The following CDK5RAP2 variants were observed in gnomAD, a reference collection of about 807,000 sequenced individuals.
CDK5RAP2 encodes the protein CDK5 regulatory subunit associated protein 2, also known as CDK5 regulatory subunit-associated protein 2.
In CDK5RAP2, 147 loss-of-function variants were observed where a neutral mutation model predicts 232.9. The observed-to-expected ratio is 0.63, with a 90% confidence interval of 0.55 to 0.72. CDK5RAP2 has a LOEUF of 0.72. CDK5RAP2 is among the 30% of genes least tolerant of loss of function. The pLI, the probability that CDK5RAP2 is intolerant of heterozygous loss-of-function variation, is 0.00. For synonymous variants in CDK5RAP2, 833 were observed against 833.7 expected, an observed-to-expected ratio of 1.00 and a Z score of 0.01; for missense variants, 2,195 against 2,231.5, an observed-to-expected ratio of 0.98 and a Z score of 0.33.
chr9:120,536,561 TC>T (rs1437923998), intron 6 of CDK5RAP2, 35 bp from the exon 7 acceptor site: 1 of 1,602,042 alleles, frequency 6.2e-7, no homozygotes. Context: ...ATGCAATTTT[TC>T]AATACAATTG....
chr9:120,515,406 T>C (rs1342616073), intron 12 of CDK5RAP2, among the ~76,000 whole-genome samples: 3 of 152,256 alleles, frequency 2.0e-5, no homozygotes, highest in Non-Finnish European at 4.4e-5. Context: ...ATTAATTAAC[T>C]GTGGATTTTA....
At chr9:120,530,558 C>T (rs1458938137) in intron 7 of CDK5RAP2, among the ~76,000 whole-genome samples, 1 of 152,146 alleles carries the variant, frequency 6.6e-6, no homozygotes, top group Non-Finnish European at 1.5e-5. Flanking sequence ...CTTGCCAAGA[C>T]TTCTCAGGGC....
chr9:120,505,662 T>C (rs1279124015), intron 12 of CDK5RAP2, among the ~76,000 whole-genome samples: 1 of 152,192 alleles, frequency 6.6e-6, no homozygotes, highest in Non-Finnish European at 1.5e-5. Context: ...GCTACTCCAG[T>C]GAACACATGA....
At chr9:120,462,552 T>G (rs1211622723) in intron 18 of CDK5RAP2, among the ~76,000 whole-genome samples, 3 of 152,056 alleles carry the variant, frequency 2.0e-5, no homozygotes, top group Non-Finnish European at 4.4e-5. Flanking sequence ...AATACACTCA[T>G]GCAATGGAAT....
chr9:120,567,789 G>A (rs895891343), intron 3 of CDK5RAP2, among the ~76,000 whole-genome samples: 3 of 152,104 alleles, frequency 2.0e-5, no homozygotes, highest in African/African-American at 7.2e-5. Flanking sequence ...AAAGAATAAT[G>A]GCTTTGGAAT....
At chr9:120,446,734 C>T (rs567630672) in intron 22 of CDK5RAP2, among the ~76,000 whole-genome samples, 66 of 152,296 alleles carry the variant, frequency 4.3e-4, no homozygotes, top group African/African-American at 1.4e-3. Flanking sequence ...TACTATTCAT[C>T]CATCTTCCCC....
chr9:120,528,913 C>T (rs761343134), intron 8 of CDK5RAP2, 116 bp from the exon 9 acceptor site: 44 of 752,522 alleles, frequency 5.8e-5, no homozygotes, highest in Non-Finnish European at 1.0e-4. Context: ...TACTGTGGAA[C>T]TCGTTAAAAC....
Position 120,448,101 on chromosome 9 carries a change from A to C in CDK5RAP2, c.2819T>G (p.Ile940Ser). The change falls in exon 22 of 38, where the codon ATC (isoleucine) becomes AGC (serine). Residue 940 changes from isoleucine to serine, a missense_variant. Ile to Ser is a moderately radical substitution (Grantham distance 142). Transcript: ENST00000349780. ...NREAKKSRLP[I>S]LIKPSRSLGN... ...TAATGACCGGGATGGTTTTATTAGG[A>C]TTGGCAAGCGGGACTTCTTAGCCTC... 6 of 1,614,114 alleles carry C rather than the reference A, an allele frequency of 3.7e-6. No individual in the cohort carries two copies. The highest frequency in any genetic ancestry group is 5.1e-6 in the Non-Finnish European group (6 of 1,179,976).
intron 5 of CDK5RAP2, among the ~76,000 whole-genome samples, chr9:120,541,915 G>T (rs2041649225): frequency 6.6e-6 from 1 of 152,216 alleles, no homozygotes; most frequent in African/African-American, 2.4e-5. Flanking sequence ...AAGGCTGAGA[G>T]AAACTGGTTT....
intron 25 of CDK5RAP2, among the ~76,000 whole-genome samples, chr9:120,427,268 CA>C (rs775832954): frequency 1.3e-5 from 2 of 152,054 alleles, no homozygotes; most frequent in South Asian, 2.1e-4. Flanking sequence ...GCTTAAAAAA[CA>C]AAAAAATCCA....
intron 11 of CDK5RAP2, among the ~76,000 whole-genome samples, chr9:120,522,681 A>G (rs1476932441): frequency 6.6e-6 from 1 of 152,182 alleles, no homozygotes; most frequent in Non-Finnish European, 1.5e-5. Flanking sequence ...CCACACTATC[A>G]CCTTCACAGT....
At chr9:120,477,236 G>T in intron 15 of CDK5RAP2, 114 bp downstream of exon 15, 1 of 838,416 alleles carries the variant, frequency 1.2e-6, no homozygotes, top group Non-Finnish European at 2.1e-6. Context: ...AAGCAAACTG[G>T]CAGGGCTTTG....
intron 2 of CDK5RAP2, among the ~76,000 whole-genome samples, chr9:120,568,924 T>C (rs1419769364): frequency 6.6e-6 from 1 of 152,178 alleles, no homozygotes; most frequent in Non-Finnish European, 1.5e-5. Context: ...TAAAAGTTTA[T>C]TTTCAAAAGC....
At chr9:120,408,851 T>C (rs2033659982) in intron 30 of CDK5RAP2, among the ~76,000 whole-genome samples, 1 of 152,248 alleles carries the variant, frequency 6.6e-6, no homozygotes, top group South Asian at 2.1e-4. Context: ...AGCACTCACC[T>C]CCTCACTGCA....
Position 120,534,979 on chromosome 9 carries a change from G to T in CDK5RAP2, c.662+1393C>A, listed in dbSNP as rs567214275. Among the ~76,000 whole-genome samples the T allele has an allele frequency of 1.1e-3, 162 of 152,298 alleles. 1 individual carries two copies. Among genetic ancestry groups the T allele is most frequent in the Non-Finnish European group, 1.8e-3 (123 of 68,016 alleles). On this transcript the variant is annotated intron_variant, in intron 7 of 37. Transcript: ENST00000349780. ...GATGCCTGGAAAGGCCAGTACTCTGGGGGGAGGCTCAGTAGGAGGGCACTT... is the reference window on the plus strand; with the variant it reads ...GATGCCTGGAAAGGCCAGTACTCTGTGGGGAGGCTCAGTAGGAGGGCACTT...
intron 22 of CDK5RAP2, among the ~76,000 whole-genome samples, chr9:120,445,472 A>G (rs1001398020): frequency 2.0e-5 from 3 of 151,818 alleles, no homozygotes; most frequent in Admixed American, 2.0e-4. Flanking sequence ...GCTGTCTCCA[A>G]TCTCTCTCCT....
intron 15 of CDK5RAP2, among the ~76,000 whole-genome samples, chr9:120,476,539 C>T (rs1313110210): frequency 6.6e-6 from 1 of 151,978 alleles, no homozygotes; most frequent in African/African-American, 2.4e-5. Flanking sequence ...ATTAGCCGGG[C>T]GTGGTGGTAT....
chr9:120,450,464 A>C (rs7022760), intron 21 of CDK5RAP2, among the ~76,000 whole-genome samples: 10,487 of 152,180 alleles, frequency 0.069, 674 homozygotes, highest in African/African-American at 0.17. Context: ...CTAAAAAAAA[A>C]CCCACTGAAT....
intron 20 of CDK5RAP2, among the ~76,000 whole-genome samples, chr9:120,456,123 A>C (rs993331718): frequency 6.6e-6 from 1 of 152,244 alleles, no homozygotes; most frequent in African/African-American, 2.4e-5. Flanking sequence ...ACTGGGACAG[A>C]AAATTATGGG....
Sources: allele counts gnomAD v4.1 joint callset (sites outside exome capture counted in the v4.1 genomes callset), GRCh38; gene constraint gnomAD v4.1.1; transcripts MANE v1.5; gene names NCBI Gene and HGNC (gene_info 2026-07-23, HGNC 2026-07-21).